The following ELAVL4 variants were observed in gnomAD, a reference collection of about 807,000 sequenced individuals.
ELAVL4 encodes the protein ELAV-like protein 4.
ELAVL4 carries 1 observed loss-of-function variant against 35.6 expected under a neutral mutation model. The observed-to-expected ratio is 0.03, with a 90% confidence interval of 0.01 to 0.13. The LOEUF is 0.13. ELAVL4 is among the 10% of genes least tolerant of loss of function. The probability of loss-of-function intolerance (pLI) is 1.00; values close to 1 mark genes in which losing one functional copy is unlikely to be tolerated. For missense variants in ELAVL4, 267 were observed against 464.9 expected, an observed-to-expected ratio of 0.57 and a Z score of 3.91; for synonymous variants, 156 against 171.0, an observed-to-expected ratio of 0.91 and a Z score of 0.69.
rs1665682435 is a variant in ELAVL4, at chr1:50,095,486, C to T, written c.18+47304C>T. Among the ~76,000 whole-genome samples, 7 of 152,150 alleles carry T rather than the reference C, an allele frequency of 4.6e-5. No individual in the cohort carries two copies. In the South Asian group the frequency reaches 1.5e-3, roughly 32 times the overall value. On this transcript the variant is annotated intron_variant, in intron 1 of 6. Coordinates refer to the ELAVL4 transcript ENST00000448907. ...TACAAATTAGCTAAATAGCCTGATA[C>T]TCCTGTAGTGTAAAACTATATAGTC...
At chr1:50,113,508 G>A (rs1197561367) in intron 1 of ELAVL4, among the ~76,000 whole-genome samples, 1 of 152,050 alleles carries the variant, frequency 6.6e-6, no homozygotes, top group Admixed American at 6.6e-5. Context: ...TGGCCACCAG[G>A]CAGTTAATTT....
intron 1 of ELAVL4, among the ~76,000 whole-genome samples, chr1:50,142,714 C>G (rs752252305): frequency 1.3e-5 from 2 of 152,170 alleles, no homozygotes; most frequent in Non-Finnish European, 2.9e-5. Flanking sequence ...TTGGCAGTAT[C>G]TACTGAAGCT....
intron 2 of ELAVL4, among the ~76,000 whole-genome samples, chr1:50,168,056 C>G (rs564783564): frequency 4.6e-5 from 7 of 152,314 alleles, no homozygotes; most frequent in Admixed American, 3.9e-4. Context: ...TACCCTTCAC[C>G]GCTGTCCTTC....
At chr1:50,129,903 A>G (rs896512963) in intron 1 of ELAVL4, among the ~76,000 whole-genome samples, 2 of 152,166 alleles carry the variant, frequency 1.3e-5, no homozygotes, top group Admixed American at 6.5e-5. Flanking sequence ...GCTCTGAACC[A>G]GGTGCCTTCA....
At chr1:50,110,209 A>G (rs756208511) in intron 1 of ELAVL4, among the ~76,000 whole-genome samples, 12 of 152,164 alleles carry the variant, frequency 7.9e-5, no homozygotes, top group Non-Finnish European at 1.5e-4. Flanking sequence ...TCCAGCAAAC[A>G]CACATTTTAG....
chr1:50,190,742 G>C (rs1682540987), intron 3 of ELAVL4, among the ~76,000 whole-genome samples: 1 of 152,190 alleles, frequency 6.6e-6, no homozygotes, highest in Admixed American at 6.5e-5. Flanking sequence ...CCTCTTCCCT[G>C]GCAGGGTTCA....
chr1:50,186,085 A>C (rs1286107729), intron 3 of ELAVL4, among the ~76,000 whole-genome samples: 2 of 152,138 alleles, frequency 1.3e-5, no homozygotes, highest in African/African-American at 4.8e-5. Flanking sequence ...AGAAGTTGCA[A>C]GACACATGAA....
intron 2 of ELAVL4, among the ~76,000 whole-genome samples, chr1:50,148,070 C>T (rs891235438): frequency 6.6e-6 from 1 of 152,166 alleles, no homozygotes; most frequent in Admixed American, 6.5e-5. Flanking sequence ...ATTTATCAAG[C>T]ACTTCATCTG....
intron 3 of ELAVL4, 124 bp from the exon 4 acceptor site, chr1:50,193,637 CTGAG>C: frequency 8.5e-7 from 1 of 1,175,178 alleles, no homozygotes; most frequent in African/African-American, 1.5e-5. Context: ...ATCTGAACTA[CTGAG>C]TGATTTAAAC....
intron 1 of ELAVL4, among the ~76,000 whole-genome samples, chr1:50,064,760 C>T (rs572988840): frequency 6.6e-6 from 1 of 152,218 alleles, no homozygotes; most frequent in Non-Finnish European, 1.5e-5. Flanking sequence ...TTTTCTCTCA[C>T]TCCACTTTGA....
chr1:50,194,153 G>A (rs1478948434), intron 4 of ELAVL4, among the ~76,000 whole-genome samples: 1 of 152,200 alleles, frequency 6.6e-6, no homozygotes, highest in East Asian at 1.9e-4. Flanking sequence ...TAAACTACTT[G>A]CCAGGGTTGT....
Position 50,048,103 on chromosome 1 carries a change from G to T in ELAVL4, c.-62G>T, listed in dbSNP as rs1437419352. On this transcript the variant is annotated 5_prime_UTR_variant, in exon 1 of 7. Coordinates refer to the ELAVL4 transcript ENST00000448907. Reference sequence around the variant, plus strand: ...GGTGAGACTCTGCGGACGTCTTCCCGCCCGCCGCGCTCCGCCCCACCCAGC... The same window carrying T: ...GGTGAGACTCTGCGGACGTCTTCCCTCCCGCCGCGCTCCGCCCCACCCAGC... 13 of 1,455,416 alleles carry T rather than the reference G, an allele frequency of 8.9e-6. No homozygotes were observed. The South Asian group carries it at 1.2e-4, about 14-fold the overall frequency. 90.2% of individuals were successfully genotyped at this position (1,455,416 alleles called of 1,614,324 possible).
chr1:50,190,921 T>A (rs3934582), intron 3 of ELAVL4, among the ~76,000 whole-genome samples: 6,009 of 152,314 alleles, frequency 0.039, 163 homozygotes, highest in African/African-American at 0.08. Flanking sequence ...CACCATTACC[T>A]GACTCCACCA....
At chr1:50,057,032 T>C (rs991229710) in intron 1 of ELAVL4, among the ~76,000 whole-genome samples, 20 of 152,134 alleles carry the variant, frequency 1.3e-4, no homozygotes, top group African/African-American at 4.8e-4. Flanking sequence ...GGCATTGTTA[T>C]CACGGGAGGT....
At chr1:50,170,156 A>G (rs1283200149) in intron 2 of ELAVL4, among the ~76,000 whole-genome samples, 1 of 152,230 alleles carries the variant, frequency 6.6e-6, no homozygotes, top group Non-Finnish European at 1.5e-5. Flanking sequence ...GTCAGACAGT[A>G]TCTTGTGGGG....
At chr1:50,113,787 T>C (rs1406264948) in intron 1 of ELAVL4, among the ~76,000 whole-genome samples, 14 of 152,076 alleles carry the variant, frequency 9.2e-5, no homozygotes, top group Non-Finnish European at 2.1e-4. Flanking sequence ...ATCCATGTAA[T>C]GTATATGTGG....
At chr1:50,127,231 T>C (rs890646427) in intron 1 of ELAVL4, among the ~76,000 whole-genome samples, 1 of 152,072 alleles carries the variant, frequency 6.6e-6, no homozygotes. Context: ...TGGGCATTGG[T>C]TGAATTCCCC....
At chr1:50,179,824 G>A (rs945707961) in intron 3 of ELAVL4, 3 of 152,202 alleles carry the variant, frequency 2.0e-5, no homozygotes, top group Admixed American at 6.5e-5. Context: ...TTCCAAAGCT[G>A]TGAAGGTTAA....
Position 50,144,970 on chromosome 1 carries a change from T to C in ELAVL4, c.23T>C (p.Met8Thr), listed in dbSNP as rs761863819. The C allele has an allele frequency of 3.1e-6, 5 of 1,613,816 alleles. No homozygotes were observed. Residue 8 changes from methionine (M) to threonine (T), a missense_variant, in exon 2 of 7, where the codon ATG (methionine) becomes ACG (threonine). By Grantham distance (81) the Met-to-Thr change is moderately conservative. Transcript: ENST00000371824. ...ATTTTTATTTAGATAATTAGCACCATGGAGCCTCAGGTGTCAAATGGTCCG... is the reference window on the plus strand; with the variant it reads ...ATTTTTATTTAGATAATTAGCACCACGGAGCCTCAGGTGTCAAATGGTCCG... The part of the protein sequence containing the change: MVMIIST[M>T]EPQVSNGPTS...
Sources: allele counts gnomAD v4.1 joint callset (sites outside exome capture counted in the v4.1 genomes callset), GRCh38; gene constraint gnomAD v4.1.1; transcripts MANE v1.5; gene names NCBI Gene and HGNC (gene_info 2026-07-23, HGNC 2026-07-21).